MAST4: variants seen among roughly 807,000 people sequenced by gnomAD.
MAST4 encodes microtubule-associated serine/threonine-protein kinase 4.
Under a neutral mutation model 162.7 loss-of-function variants are expected in MAST4, and 89 were observed. The observed-to-expected ratio is 0.55, with a 90% CI of 0.46 to 0.65. The LOEUF (loss-of-function observed/expected upper bound fraction) is 0.65. MAST4 is among the 30% of genes least tolerant of loss of function. The probability of loss-of-function intolerance (pLI) is 0.00; values close to 1 mark genes in which losing one functional copy is unlikely to be tolerated. For missense variants in MAST4, 3,153 were observed against 3,374.0 expected, an observed-to-expected ratio of 0.93 and a Z score of 1.62; for synonymous variants, 1,479 against 1,361.1, an observed-to-expected ratio of 1.09 and a Z score of -1.91.
intron 5 of MAST4, among the ~76,000 whole-genome samples, chr5:67,082,820 G>A (rs1003832922): frequency 1.3e-5 from 2 of 152,146 alleles, no homozygotes; most frequent in South Asian, 2.1e-4. Context: ...TAGTAATAAA[G>A]TAATTGTAAA....
chr5:66,779,791 C>G (rs998089090), intron 2 of MAST4, among the ~76,000 whole-genome samples: 2 of 152,150 alleles, frequency 1.3e-5, no homozygotes, highest in Non-Finnish European at 2.9e-5. Flanking sequence ...GCTGCTGAGT[C>G]ATGAATTGTG....
intron 4 of MAST4, among the ~76,000 whole-genome samples, chr5:67,011,355 C>T (rs1482936641): frequency 1.3e-5 from 2 of 152,206 alleles, no homozygotes; most frequent in South Asian, 2.1e-4. Flanking sequence ...TTTCCTCCCA[C>T]TCCTTGCTTT....
intron 1 of MAST4, among the ~76,000 whole-genome samples, chr5:66,716,500 C>T (rs373660223): frequency 1.6e-4 from 24 of 151,620 alleles, no homozygotes; most frequent in African/African-American, 2.7e-4. Context: ...TGTACATCAC[C>T]GTGCCCAGCT....
In MAST4 at chr5:67,028,236, G is replaced by A. The variant is rs185642629; in HGVS notation, c.675-26168G>A. On this transcript the variant is annotated intron_variant, in intron 4 of 28. Transcript: ENST00000403625. ...GATGGGTGAGAGATCATTGAAATGT[G>A]GAAGACTGTAATCTAGGCAAAACAA... is the stretch of plus-strand genomic sequence containing the variant. 5.0e-4 allele frequency among the ~76,000 whole-genome samples: 76 copies of A among 152,116 alleles called. 1 individual carries two copies. Among genetic ancestry groups the A allele is most frequent in the Admixed American group, 4.9e-3 (75 of 15,272 alleles).
intron 4 of MAST4, among the ~76,000 whole-genome samples, chr5:66,965,211 T>TG (rs1746558710): frequency 6.6e-6 from 1 of 150,620 alleles, no homozygotes; most frequent in Non-Finnish European, 1.5e-5. Flanking sequence ...AGAGTAGTTT[T>TG]TTTTTTTTTT....
At chr5:67,034,596 A>G (rs1366014013) in intron 4 of MAST4, among the ~76,000 whole-genome samples, 1 of 152,198 alleles carries the variant, frequency 6.6e-6, no homozygotes, top group East Asian at 1.9e-4. Flanking sequence ...TGCGAGCTTT[A>G]AGCTTTAACC....
chr5:67,121,593 T>C (rs189980611), intron 14 of MAST4, among the ~76,000 whole-genome samples: 2 of 151,898 alleles, frequency 1.3e-5, no homozygotes, highest in East Asian at 1.9e-4. Flanking sequence ...TGTCCAGTCG[T>C]TTGTCTTCCC....
Position 67,104,442 on chromosome 5 carries a change from A to G in MAST4, c.1223A>G (p.Asp408Gly). 6.2e-7 allele frequency: 1 copy of G among 1,613,948 alleles called. No homozygotes were observed. The highest frequency in any genetic ancestry group is 8.5e-7 in the Non-Finnish European group (1 of 1,179,830). The change falls in exon 10 of 29, where the codon GAT becomes GGT. Residue 408 changes from aspartate to glycine, a missense_variant. Physicochemically the swap from Asp to Gly is moderately conservative, Grantham distance 94 (BLOSUM62 -1). Around this residue, in one of 7 missense-constraint regions of MAST4, gnomAD observed 360 missense variants for 450.0 expected, o/e 0.80. Transcript: ENST00000403625. Reference protein sequence around the residue: ...YSPDNVLPLADGVLSFTHHQI... With the variant: ...YSPDNVLPLAGGVLSFTHHQI... Reference sequence around the variant, plus strand: ...CCTGACAACGTTCTACCCTTAGCAGATGGAGTGCTTAGTTTCACTCACCAC... The same window carrying G: ...CCTGACAACGTTCTACCCTTAGCAGGTGGAGTGCTTAGTTTCACTCACCAC...
chr5:66,893,894 T>A (rs1325027113), intron 3 of MAST4, among the ~76,000 whole-genome samples: 1 of 152,178 alleles, frequency 6.6e-6, no homozygotes. Context: ...GGTATGAACT[T>A]TTTTGTCCTC....
At chr5:67,150,107 G>A (rs1235136263) in intron 24 of MAST4, among the ~76,000 whole-genome samples, 3 of 152,190 alleles carry the variant, frequency 2.0e-5, no homozygotes, top group Admixed American at 6.5e-5. Flanking sequence ...CCTGTCAGTT[G>A]AGCTATGCTT....
At chr5:66,694,260 C>T (rs1203708202) in intron 1 of MAST4, among the ~76,000 whole-genome samples, 1 of 152,116 alleles carries the variant, frequency 6.6e-6, no homozygotes, top group African/African-American at 2.4e-5. Flanking sequence ...GTCTGGGAAC[C>T]ATGACATTGG....
chr5:66,762,473 G>C (rs1753897823), intron 2 of MAST4, among the ~76,000 whole-genome samples: 1 of 152,164 alleles, frequency 6.6e-6, no homozygotes, highest in East Asian at 1.9e-4. Context: ...TGGGTGGCAT[G>C]GGCTCATGGA....
At chr5:66,913,431 G>A (rs1389559144) in intron 4 of MAST4, among the ~76,000 whole-genome samples, 3 of 152,070 alleles carry the variant, frequency 2.0e-5, no homozygotes, top group East Asian at 1.9e-4. Context: ...TTTGAGATTC[G>A]TCCATGTCAT....
At chr5:66,797,779 C>T (rs1755722968) in intron 3 of MAST4, among the ~76,000 whole-genome samples, 1 of 152,126 alleles carries the variant, frequency 6.6e-6, no homozygotes, top group South Asian at 2.1e-4. Context: ...GTTAGGCAAG[C>T]TTCAAGGCCA....
intron 1 of MAST4, among the ~76,000 whole-genome samples, chr5:66,702,818 C>T (rs1288099803): frequency 6.6e-6 from 1 of 152,056 alleles, no homozygotes; most frequent in East Asian, 1.9e-4. Flanking sequence ...GCAAAGCCAC[C>T]AGAGGGTTTC....
chr5:67,121,482 G>A (rs1767578768), intron 14 of MAST4, among the ~76,000 whole-genome samples: 1 of 150,936 alleles, frequency 6.6e-6, no homozygotes, highest in Non-Finnish European at 1.5e-5. Flanking sequence ...TTTCTATATA[G>A]TATTACTACA....
At chr5:67,130,765 G>T (rs1042198614) in intron 15 of MAST4, among the ~76,000 whole-genome samples, 1 of 151,992 alleles carries the variant, frequency 6.6e-6, no homozygotes, top group Non-Finnish European at 1.5e-5. Context: ...ATCACAATTA[G>T]TCTTCTTACA....
At chr5:66,616,507 CTCCTGGT>C (rs1485920065) in intron 1 of MAST4, among the ~76,000 whole-genome samples, 1 of 152,208 alleles carries the variant, frequency 6.6e-6, no homozygotes, top group African/African-American at 2.4e-5. Context: ...TGTCTCAGGG[CTCCTGGT>C]TCTCTTCCCA....
chr5:67,103,387 T>A (rs1422427631), intron 9 of MAST4, among the ~76,000 whole-genome samples: 1 of 152,202 alleles, frequency 6.6e-6, no homozygotes, highest in Non-Finnish European at 1.5e-5. Flanking sequence ...TACTTATTAT[T>A]TGCAACTAAC....
Sources: gnomAD v4.1 joint callset for allele counts (sites outside exome capture counted in the v4.1 genomes callset) on GRCh38, gnomAD v4.1.1 for gene constraint, gnomAD v4.1.1 regional missense constraint, MANE v1.5 for transcripts, NCBI Gene and HGNC (gene_info 2026-07-23, HGNC 2026-07-21) for gene names.